The following CNTN5 variants were observed in gnomAD, a reference collection of about 807,000 sequenced individuals.
CNTN5 encodes contactin 5.
Under a neutral mutation model 129.1 loss-of-function variants are expected in CNTN5, and 77 were observed. The observed-to-expected ratio is 0.60, with a 90% CI of 0.50 to 0.72. CNTN5 has a LOEUF of 0.72. Ranked by LOEUF, CNTN5 falls within the 30% of genes least tolerant of loss-of-function variation. CNTN5 has a pLI of 0.00. For synonymous variants in CNTN5, 509 were observed against 465.6 expected (o/e 1.09, Z -1.20); for missense variants, 1,478 against 1,328.8 (o/e 1.11, Z -1.75).
At chr11:99,299,401 C>T (rs760697181) in intron 1 of CNTN5, among the ~76,000 whole-genome samples, 2 of 151,490 alleles carry the variant, frequency 1.3e-5, no homozygotes, top group East Asian at 3.9e-4. Context: ...AGTATATTAA[C>T]AAAAAAAATT....
At chr11:99,382,845 C>CATT (rs1417732458) in intron 2 of CNTN5, among the ~76,000 whole-genome samples, 1 of 77,032 alleles carries the variant, frequency 1.3e-5, no homozygotes, top group Admixed American at 2.2e-4. Flanking sequence ...CTCTAAATAA[C>CATT]TTTTTTTTTT....
At chr11:99,595,645 T>C (rs1950103356) in intron 3 of CNTN5, among the ~76,000 whole-genome samples, 1 of 152,086 alleles carries the variant, frequency 6.6e-6, no homozygotes, top group African/African-American at 2.4e-5. Flanking sequence ...TACCAGTGTT[T>C]TTCTCTAATA....
chr11:99,492,789 G>T (rs916722114), intron 2 of CNTN5, among the ~76,000 whole-genome samples: 3 of 152,194 alleles, frequency 2.0e-5, no homozygotes, highest in African/African-American at 7.2e-5. Flanking sequence ...GCTTGGATTT[G>T]AGGAAGGGGA....
intron 1 of CNTN5, among the ~76,000 whole-genome samples, chr11:99,229,049 A>T (rs1426342588): frequency 1.3e-5 from 2 of 151,946 alleles, no homozygotes; most frequent in Non-Finnish European, 2.9e-5. Context: ...TATGGATTGT[A>T]TGTATTTTTT....
intron 6 of CNTN5, among the ~76,000 whole-genome samples, chr11:99,851,974 A>G (rs898182498): frequency 6.6e-6 from 1 of 152,202 alleles, no homozygotes; most frequent in Non-Finnish European, 1.5e-5. Context: ...CAAACTCCAC[A>G]GTATATGCAA....
Position 100,154,350 on chromosome 11 carries a change from A to G in CNTN5, c.1581-36776A>G, listed in dbSNP as rs529523628. On this transcript the variant is annotated intron_variant, in intron 13 of 24. Coordinates refer to ENST00000524871, the MANE Select transcript of CNTN5 (RefSeq NM_014361.4). Reference sequence around the variant, plus strand: ...CACATTTTCTTTATCCAGTCTATCAATCATTGATGGGCACTTGGGTTGGTT... The same window carrying G: ...CACATTTTCTTTATCCAGTCTATCAGTCATTGATGGGCACTTGGGTTGGTT... Among the ~76,000 whole-genome samples, 25 of 24,376 alleles carry G rather than the reference A, an allele frequency of 1.0e-3. No individual in the cohort carries two copies. In the East Asian group the frequency reaches 0.053, roughly 52 times the overall value. The allele number at this position is 24,376 out of a possible 152,430, so 16.0% of individuals were successfully genotyped here. A position where few individuals can be genotyped will look rare whatever the true frequency, so the allele number is the denominator to read the frequency against.
intron 15 of CNTN5, among the ~76,000 whole-genome samples, chr11:100,203,876 T>C (rs1312811365): frequency 6.6e-6 from 1 of 151,174 alleles, no homozygotes; most frequent in African/African-American, 2.4e-5. Flanking sequence ...TCAAACTTCA[T>C]CTTCCAACAT....
chr11:99,089,579 A>C (rs1385815572), intron 1 of CNTN5, among the ~76,000 whole-genome samples: 1 of 152,144 alleles, frequency 6.6e-6, no homozygotes, highest in Non-Finnish European at 1.5e-5. Flanking sequence ...TAGCCACTTT[A>C]CTGTATATCG....
At chr11:99,684,032 C>A (rs903718203) in intron 3 of CNTN5, among the ~76,000 whole-genome samples, 1 of 151,686 alleles carries the variant, frequency 6.6e-6, no homozygotes, top group Admixed American at 6.6e-5. Context: ...AGGTATAATA[C>A]ATATCTTGAC....
chr11:99,432,007 A>T (rs11219876), intron 2 of CNTN5, among the ~76,000 whole-genome samples: 26,578 of 152,084 alleles, frequency 0.17, 2,621 homozygotes, highest in Admixed American at 0.23. Context: ...ATAGTCAAAT[A>T]TGTATTCCTC....
intron 2 of CNTN5, among the ~76,000 whole-genome samples, chr11:99,338,015 T>G (rs1391866716): frequency 6.6e-6 from 1 of 152,190 alleles, no homozygotes; most frequent in Admixed American, 6.5e-5. Flanking sequence ...TAGTTTAAAT[T>G]CATAAACTTA....
At chr11:99,853,787 C>T (rs1462264648) in intron 6 of CNTN5, among the ~76,000 whole-genome samples, 2 of 151,998 alleles carry the variant, frequency 1.3e-5, no homozygotes, top group African/African-American at 4.8e-5. Flanking sequence ...TTAATCCTCA[C>T]ATCAATTTGA....
chr11:99,425,792 A>G (rs556684809), intron 2 of CNTN5, among the ~76,000 whole-genome samples: 7 of 152,182 alleles, frequency 4.6e-5, no homozygotes, highest in East Asian at 3.9e-4. Context: ...CCAGCTCAGT[A>G]GGGGCATGGT....
intron 18 of CNTN5, among the ~76,000 whole-genome samples, chr11:100,284,521 C>CA (rs201030161): frequency 1.6e-3 from 244 of 151,520 alleles, no homozygotes; most frequent in East Asian, 7.0e-3. Context: ...ACACTCAGGA[C>CA]AAAAAAAATC....
chr11:99,898,846 T>C (rs1235260323), intron 6 of CNTN5, among the ~76,000 whole-genome samples: 1 of 152,020 alleles, frequency 6.6e-6, no homozygotes, highest in Non-Finnish European at 1.5e-5. Context: ...AACAATTTTA[T>C]ATCCTGTATT....
chr11:100,096,306 T>G (rs913815039), intron 13 of CNTN5, among the ~76,000 whole-genome samples: 2 of 152,114 alleles, frequency 1.3e-5, no homozygotes, highest in Non-Finnish European at 2.9e-5. Context: ...ATGACACCTA[T>G]TTCATTGGTT....
At chr11:99,740,446 A>G (rs948548325) in intron 3 of CNTN5, among the ~76,000 whole-genome samples, 1 of 152,202 alleles carries the variant, frequency 6.6e-6, no homozygotes, top group Non-Finnish European at 1.5e-5. Flanking sequence ...AATAAGATTT[A>G]TGTTTTGAGA....
chr11:99,425,133 G>A (rs1943062506), intron 2 of CNTN5, among the ~76,000 whole-genome samples: 1 of 152,200 alleles, frequency 6.6e-6, no homozygotes, highest in South Asian at 2.1e-4. Context: ...GTCTGGCTGA[G>A]TCTGGGGTTT....
At chr11:99,595,933 A>G (rs1216251082) in intron 3 of CNTN5, among the ~76,000 whole-genome samples, 6 of 152,118 alleles carry the variant, frequency 3.9e-5, no homozygotes. Flanking sequence ...CCACATCAGT[A>G]TCACTTGGGA....
Sources: allele counts gnomAD v4.1 joint callset (sites outside exome capture counted in the v4.1 genomes callset), GRCh38; gene constraint gnomAD v4.1.1; transcripts MANE v1.5; gene names NCBI Gene and HGNC (gene_info 2026-07-23, HGNC 2026-07-21).